NECAP1: variants seen among roughly 807,000 people sequenced by gnomAD.
The protein encoded by NECAP1 is NECAP endocytosis associated 1, also known as adaptin ear-binding coat-associated protein 1.
NECAP1 carries 13 observed loss-of-function variants against 33.4 expected under a neutral mutation model. That is an observed-to-expected ratio of 0.39 (90% CI 0.25 to 0.62). NECAP1 has a LOEUF of 0.62. Among genes scored for constraint, NECAP1 ranks in the 20% least tolerant of loss-of-function variants. NECAP1 has a pLI of 0.52. For synonymous variants in NECAP1, 109 were observed against 125.2 expected, an observed-to-expected ratio of 0.87 and a Z score of 0.86; for missense variants, 272 against 347.4, an observed-to-expected ratio of 0.78 and a Z score of 1.73.
chr12:8,093,006 T>C lies in NECAP1; in HGVS notation c.627T>C (p.His209=). ...CCTCCTCAGTTGCCATCAGCAATCA[T>C]GTCACCCCACCACCCATTCCGAAAT... The part of the protein sequence containing the change: ...PPSSSVAISN[H]VTPPPIPKSN... The change falls in exon 6 of 8, where the codon CAT becomes CAC. Residue 209 remains histidine (H), a synonymous_variant. Transcript: ENST00000339754. 1 of 1,614,124 alleles carries C rather than the reference T, an allele frequency of 6.2e-7. No individual in the cohort carries two copies. Among genetic ancestry groups the C allele is most frequent in the African/African-American group, 1.3e-5 (1 of 75,062 alleles).
rs71042328 is a variant in NECAP1 at position 8,083,421 on chromosome 12, CTTTTTTTTTTTTT to C, written c.95+1052_95+1064del. Among the ~76,000 whole-genome samples the C allele has an allele frequency of 7.6e-5, 5 of 65,844 alleles. 1 individual carries two copies. The highest frequency in any genetic ancestry group is 2.6e-5 in the Non-Finnish European group (1 of 38,466). 43.2% of individuals were successfully genotyped at this position (65,844 alleles called of 152,430 possible). A position where few individuals can be genotyped will look rare whatever the true frequency, so the allele number is the denominator to read the frequency against. On this transcript the variant is annotated intron_variant, in intron 1 of 7. Coordinates refer to ENST00000339754, the MANE Select transcript of NECAP1 (RefSeq NM_015509.4). ...CAGTTACAAATACTATTTGTTTGTT[CTTTTTTTTTTTTT>C]TTTTTTTTTTTTTGAGATGTAGTCT... is the stretch of plus-strand genomic sequence containing the variant.
At chr12:8,082,730 C>A in intron 1 of NECAP1, 1 of 248,038 alleles carries the variant, frequency 4.0e-6, no homozygotes, top group Admixed American at 4.9e-5. Flanking sequence ...CTCTTCCCTG[C>A]GTCCTTCAGC....
chr12:8,082,716 T>G, intron 1 of NECAP1: 1 of 274,150 alleles, frequency 3.6e-6, no homozygotes, highest in Non-Finnish European at 7.2e-6. Context: ...TCCCCTTTCA[T>G]TCGCTCTTCC....
In NECAP1 at chr12:8,096,052, A is replaced by G. The variant is rs2120496634; in HGVS notation, c.790A>G (p.Asn264Asp). 1 of 1,614,168 alleles carries G rather than the reference A, an allele frequency of 6.2e-7. No homozygotes were observed. The highest frequency in any genetic ancestry group is 8.5e-7 in the Non-Finnish European group (1 of 1,180,020). ...TCTCCTGTCTTGCAGCTCTGTTCCA[A>G]ACCAGGCACCACAGCCATCCAACTG... ...DFSTASSSVPNQAPQPSNWVQ... is the reference protein window; with the variant it reads ...DFSTASSSVPDQAPQPSNWVQ... Residue 264 changes from asparagine to aspartate, a missense_variant, in exon 8 of 8, where the codon AAC becomes GAC. Transcript: ENST00000339754.
intron 1 of NECAP1, among the ~76,000 whole-genome samples, chr12:8,087,533 T>G (rs1947503093): frequency 1.3e-5 from 2 of 151,226 alleles, no homozygotes; most frequent in African/African-American, 4.8e-5. Flanking sequence ...TTTTTTTTTT[T>G]TTTTTTTAGA....
intron 6 of NECAP1, chr12:8,095,352 C>T (rs1591597500): frequency 3.2e-6 from 1 of 310,848 alleles, no homozygotes; most frequent in South Asian, 2.9e-5. Flanking sequence ...GGGTTCACGC[C>T]ATTCTCCTGC....
At chr12:8,089,891 T>C (rs369740130) in intron 1 of NECAP1, 45 bp from the exon 2 acceptor site, 244 of 1,434,264 alleles carry the variant, frequency 1.7e-4, no homozygotes, top group Non-Finnish European at 2.1e-4. Flanking sequence ...TGGGCGTTAG[T>C]AAATTAAGGA....
chr12:8,096,714 A>C lies in NECAP1; in HGVS notation c.*624A>C, dbSNP rs775913501. On this transcript the variant is annotated 3_prime_UTR_variant, in exon 8 of 8. Coordinates refer to ENST00000339754, the MANE Select transcript of NECAP1 (RefSeq NM_015509.4). Reference sequence around the variant, plus strand: ...AGCTCCATCACCCTCTTGTGTGTTTACATGTCTCTTTCTATGATAAGAGGG... The same window carrying C: ...AGCTCCATCACCCTCTTGTGTGTTTCCATGTCTCTTTCTATGATAAGAGGG... The C allele has an allele frequency of 1.3e-5, 2 of 152,678 alleles. No individual in the cohort carries two copies. The highest frequency in any genetic ancestry group is 2.9e-5 in the Non-Finnish European group (2 of 68,084). The allele number at this position is 152,678 out of a possible 1,614,324, so 9.5% of individuals were successfully genotyped here.
intron 1 of NECAP1, among the ~76,000 whole-genome samples, chr12:8,086,605 C>T (rs949823422): frequency 8.6e-5 from 13 of 151,986 alleles, no homozygotes; most frequent in African/African-American, 3.1e-4. Flanking sequence ...CAGAGCAGGA[C>T]TGCGTCTCAA....
intron 1 of NECAP1, among the ~76,000 whole-genome samples, chr12:8,088,735 G>A (rs756904350): frequency 9.9e-5 from 15 of 152,274 alleles, no homozygotes; most frequent in African/African-American, 3.1e-4. Flanking sequence ...AAGGCCCTGC[G>A]TGATCTGGCC....
In NECAP1 at chr12:8,090,224, C is replaced by T; in HGVS notation, c.226C>T (p.Gln76Ter). 1 of 1,614,170 alleles carries T rather than the reference C, an allele frequency of 6.2e-7. No individual in the cohort carries two copies. The highest frequency in any genetic ancestry group is 8.5e-7 in the Non-Finnish European group (1 of 1,180,024). The part of the protein sequence containing the change: ...GELFAQAPVE[Q>*]YPGIAVETVT... ...GCTCTTTGCTCAGGCACCAGTAGAA[C>T]AATATCCTGGTATTGCTGTGGAGAC... Residue 76 changes from glutamine to a stop codon, truncating the protein, a stop_gained, in exon 3 of 8, where the codon CAA (glutamine) becomes TAA (stop). Transcript: ENST00000339754. LOFTEE classifies it high-confidence loss of function.
intron 6 of NECAP1, 151 bp from the exon 7 acceptor site, chr12:8,095,450 T>G (rs551816669): frequency 4.4e-6 from 2 of 453,904 alleles, no homozygotes; most frequent in Admixed American, 6.7e-5. Flanking sequence ...GGGTTTCACC[T>G]TGTTAGCCAG....
chr12:8,084,843 A>G (rs1319771912), intron 1 of NECAP1, among the ~76,000 whole-genome samples: 1 of 152,126 alleles, frequency 6.6e-6, no homozygotes, highest in Non-Finnish European at 1.5e-5. Flanking sequence ...CACTTTGGGC[A>G]CCCTGTAAAT....
intron 1 of NECAP1, among the ~76,000 whole-genome samples, chr12:8,083,815 C>T (rs1451376765): frequency 6.7e-6 from 1 of 149,758 alleles, no homozygotes; most frequent in African/African-American, 2.5e-5. Context: ...TCACAGCTCA[C>T]GGCAGCTGTG....
Position 8,096,120 on chromosome 12 carries a change from T to C in NECAP1, c.*30T>C. ...CATTGGCAGGACATTAAGGACAGAC[T>C]TGAGGAATAAAAATGACCTTGAGGG... On this transcript the variant is annotated 3_prime_UTR_variant, in exon 8 of 8. Coordinates refer to ENST00000339754, the MANE Select transcript of NECAP1 (RefSeq NM_015509.4). The C allele has an allele frequency of 3.1e-6, 5 of 1,609,194 alleles. No homozygotes were observed. Among genetic ancestry groups the C allele is most frequent in the Non-Finnish European group, 4.3e-6 (5 of 1,176,336 alleles).
At chr12:8,087,060 T>C (rs1033162245) in intron 1 of NECAP1, among the ~76,000 whole-genome samples, 1 of 152,018 alleles carries the variant, frequency 6.6e-6, no homozygotes, top group Non-Finnish European at 1.5e-5. Context: ...AAATCAATAT[T>C]AACCTCTATA....
intron 1 of NECAP1, among the ~76,000 whole-genome samples, chr12:8,087,738 ATAATAAG>A (rs1228326506): frequency 2.6e-5 from 4 of 152,128 alleles, no homozygotes; most frequent in East Asian, 1.9e-4. Flanking sequence ...TGGCATGATT[ATAATAAG>A]TAATAACTCA....
At chr12:8,085,602 A>G (rs1187352985) in intron 1 of NECAP1, among the ~76,000 whole-genome samples, 1 of 151,670 alleles carries the variant, frequency 6.6e-6, no homozygotes, top group Non-Finnish European at 1.5e-5. Flanking sequence ...CCTTTGGCAA[A>G]TCACCACTTT....
At chr12:8,090,060 A>C (rs1356428817) in intron 2 of NECAP1, 24 bp downstream of exon 2, 1 of 1,596,628 alleles carries the variant, frequency 6.3e-7, no homozygotes, top group East Asian at 2.2e-5. Context: ...GTGACCCTCT[A>C]ACATTAAGAA....
Sources: allele counts gnomAD v4.1 joint callset (sites outside exome capture counted in the v4.1 genomes callset), GRCh38; gene constraint gnomAD v4.1.1; transcripts MANE v1.5; gene names NCBI Gene and HGNC (gene_info 2026-07-23, HGNC 2026-07-21).